Variants in SKAP1 observed in about 807,000 individuals in gnomAD.
SKAP1 encodes the protein src kinase associated phosphoprotein 1.
SKAP1 carries 44 observed loss-of-function variants against 58.5 expected under a neutral mutation model. The ratio of observed to expected loss-of-function variants is 0.75; its 90% CI spans 0.59 to 0.97. The LOEUF (loss-of-function observed/expected upper bound fraction) is 0.97, where lower values mean the gene tolerates loss of function less well. SKAP1 is among the 50% of genes least tolerant of loss of function. SKAP1 has a pLI of 0.00. For synonymous variants in SKAP1, 127 were observed against 149.7 expected, an observed-to-expected ratio of 0.85 and a Z score of 1.11; for missense variants, 390 against 435.2, an observed-to-expected ratio of 0.90 and a Z score of 0.92.
At chr17:48,166,621 C>T (rs1433845964) in intron 10 of SKAP1, among the ~76,000 whole-genome samples, 1 of 152,160 alleles carries the variant, frequency 6.6e-6, no homozygotes, top group African/African-American at 2.4e-5. Flanking sequence ...ATGTTATTTA[C>T]ATTTTCTTGA....
chr17:48,413,154 G>A (rs192358411), intron 1 of SKAP1, among the ~76,000 whole-genome samples: 2 of 151,948 alleles, frequency 1.3e-5, no homozygotes, highest in African/African-American at 4.8e-5. Flanking sequence ...TATGAAGCCA[G>A]TATAACTCTG....
chr17:48,339,017 C>G (rs1731999796), intron 4 of SKAP1, among the ~76,000 whole-genome samples: 1 of 152,194 alleles, frequency 6.6e-6, no homozygotes, highest in Admixed American at 6.5e-5. Flanking sequence ...GATCTGAAAT[C>G]TGATGGACTC....
intron 4 of SKAP1, among the ~76,000 whole-genome samples, chr17:48,333,299 C>G (rs17623125): frequency 0.082 from 12,440 of 152,122 alleles, 651 homozygotes; most frequent in East Asian, 0.2. Context: ...TAAGAAATAA[C>G]ATAAGTATGT....
At chr17:48,390,361 C>T (rs937127103) in intron 2 of SKAP1, among the ~76,000 whole-genome samples, 6 of 151,948 alleles carry the variant, frequency 3.9e-5, no homozygotes, top group African/African-American at 9.7e-5. Context: ...AAAATCAAAG[C>T]CAAAGCAAAT....
intron 10 of SKAP1, among the ~76,000 whole-genome samples, chr17:48,165,316 C>T (rs961944736): frequency 2.0e-5 from 3 of 152,076 alleles, no homozygotes; most frequent in African/African-American, 4.8e-5. Flanking sequence ...CCAGCTTCTC[C>T]CTAAACCTGC....
At chr17:48,370,224 G>A (rs545417888) in intron 2 of SKAP1, among the ~76,000 whole-genome samples, 5 of 152,242 alleles carry the variant, frequency 3.3e-5, no homozygotes, top group African/African-American at 4.8e-5. Flanking sequence ...AGTGGCCAAC[G>A]AATATATTAA....
intron 4 of SKAP1, among the ~76,000 whole-genome samples, chr17:48,225,288 A>G (rs1010675461): frequency 2.6e-5 from 4 of 152,208 alleles, no homozygotes; most frequent in East Asian, 3.8e-4. Flanking sequence ...TTAAAAATCA[A>G]TGAATTAAAG....
At chr17:48,244,818 T>C (rs1291171330) in intron 4 of SKAP1, among the ~76,000 whole-genome samples, 1 of 152,220 alleles carries the variant, frequency 6.6e-6, no homozygotes, top group Non-Finnish European at 1.5e-5. Flanking sequence ...TATATTTACA[T>C]CCAAACAAAA....
chr17:48,267,173 T>C (rs1447781888), intron 4 of SKAP1, among the ~76,000 whole-genome samples: 1 of 152,244 alleles, frequency 6.6e-6, no homozygotes, highest in Non-Finnish European at 1.5e-5. Context: ...TTTCCAACTT[T>C]TGAATTATGA....
At chr17:48,322,047 C>G (rs1056732199) in intron 4 of SKAP1, among the ~76,000 whole-genome samples, 1 of 152,190 alleles carries the variant, frequency 6.6e-6, no homozygotes, top group African/African-American at 2.4e-5. Flanking sequence ...CATATCTTTG[C>G]TTATAGTTCA....
At chr17:48,249,690 C>A (rs904970557) in intron 4 of SKAP1, among the ~76,000 whole-genome samples, 1 of 151,774 alleles carries the variant, frequency 6.6e-6, no homozygotes, top group East Asian at 1.9e-4. Flanking sequence ...ACCCGGAAGC[C>A]CCCCGCAAAA....
intron 4 of SKAP1, among the ~76,000 whole-genome samples, chr17:48,236,575 T>C (rs1423083236): frequency 6.6e-6 from 1 of 152,190 alleles, no homozygotes; most frequent in Non-Finnish European, 1.5e-5. Context: ...TTGGTGTAAA[T>C]CTGGCAATTT....
intron 4 of SKAP1, among the ~76,000 whole-genome samples, chr17:48,241,933 C>T (rs2065247613): frequency 6.6e-6 from 1 of 152,146 alleles, no homozygotes; most frequent in Admixed American, 6.5e-5. Flanking sequence ...ATCAAGGCTC[C>T]TGACACATCC....
chr17:48,142,790 CT>C (rs1385705116), intron 11 of SKAP1, among the ~76,000 whole-genome samples: 1 of 151,902 alleles, frequency 6.6e-6, no homozygotes, highest in African/African-American at 2.4e-5. Context: ...CCACCTCTTC[CT>C]ACACCACACC....
In SKAP1 at chr17:48,190,871, G is replaced by A. The variant is rs547271347; in HGVS notation, c.281-1371C>T. Among the ~76,000 whole-genome samples, 43 of 152,282 alleles carry A rather than the reference G, an allele frequency of 2.8e-4. No homozygotes were observed. The South Asian group carries it at 8.9e-3, about 32-fold the overall frequency. On this transcript the variant is annotated intron_variant, in intron 4 of 12. Transcript: ENST00000336915. Reference sequence around the variant, plus strand: ...ATGGTGGCACACACCTGTAATCCCAGCTACTCGGGAGGATGAGGCACAAGA... The same window carrying A: ...ATGGTGGCACACACCTGTAATCCCAACTACTCGGGAGGATGAGGCACAAGA...
At chr17:48,160,866 G>C (rs966095919) in intron 11 of SKAP1, among the ~76,000 whole-genome samples, 1 of 152,114 alleles carries the variant, frequency 6.6e-6, no homozygotes, top group South Asian at 2.1e-4. Flanking sequence ...TCTATTACAC[G>C]GCAAACCTTG....
intron 4 of SKAP1, among the ~76,000 whole-genome samples, chr17:48,281,186 C>T (rs935746448): frequency 3.9e-5 from 6 of 152,016 alleles, no homozygotes; most frequent in African/African-American, 1.4e-4. Context: ...CCACCATGCC[C>T]GGCTAATTTT....
At chr17:48,425,319 A>G (rs1214417188) in intron 1 of SKAP1, among the ~76,000 whole-genome samples, 2 of 152,204 alleles carry the variant, frequency 1.3e-5, no homozygotes, top group African/African-American at 4.8e-5. Flanking sequence ...AGAAAAATCA[A>G]TAGACAAACC....
intron 4 of SKAP1, among the ~76,000 whole-genome samples, chr17:48,328,175 A>G (rs944455570): frequency 1.6e-4 from 25 of 152,198 alleles, no homozygotes; most frequent in African/African-American, 6.0e-4. Flanking sequence ...AAACAAGGAT[A>G]CTACTCGCCT....
Sources: gnomAD v4.1 joint callset for allele counts (sites outside exome capture counted in the v4.1 genomes callset) on GRCh38, gnomAD v4.1.1 for gene constraint, MANE v1.5 for transcripts, NCBI Gene and HGNC (gene_info 2026-07-23, HGNC 2026-07-21) for gene names.